Variants in PFKFB2 observed in about 807,000 individuals in gnomAD.
PFKFB2 encodes the protein 6-phosphofructo-2-kinase/fructose-2,6-bisphosphatase 2.
A neutral mutation model predicts 68.0 loss-of-function variants in PFKFB2; 53 were observed. The ratio of observed to expected loss-of-function variants is 0.78; its 90% CI spans 0.63 to 0.98. The LOEUF is 0.98. Ranked by LOEUF, PFKFB2 falls within the 50% of genes least tolerant of loss-of-function variation. The pLI is 0.00. For missense variants in PFKFB2, 451 were observed against 642.0 expected, an observed-to-expected ratio of 0.70 and a Z score of 3.22; for synonymous variants, 222 against 227.6, an observed-to-expected ratio of 0.98 and a Z score of 0.22.
downstream of PFKFB2, chr1:207,080,871 T>C (rs1007098155): frequency 6.6e-6 from 1 of 152,292 alleles, no homozygotes. Flanking sequence ...TTGAATACTT[T>C]GTTTCTCATT....
intron 3 of PFKFB2, among the ~76,000 whole-genome samples, 181 bp downstream of exon 3, chr1:207,062,259 A>T (rs1683141081): frequency 6.6e-6 from 1 of 152,160 alleles, no homozygotes; most frequent in South Asian, 2.1e-4. Context: ...GCGTGGGTGG[A>T]TTGGCCTAGT....
rs1558059833 is a variant in PFKFB2 at position 207,061,187 on chromosome 1, A to ATCTTTATATATATATTTATATATATCTT, written c.86-765_86-764insCTTTATATATATATTTATATATATCTTT. On this transcript the variant is annotated intron_variant, in intron 2 of 14. Coordinates refer to ENST00000367080, the MANE Select transcript of PFKFB2 (RefSeq NM_006212.2). ...TCTTTATATATATATATATATATATATATATATATATATATTTTAAGAGAC... is the reference window on the plus strand; with the variant it reads ...TCTTTATATATATATATATATATATATCTTTATATATATATTTATATATATCTTTATATATATATATATTTTAAGAGAC... Among the ~76,000 whole-genome samples the ATCTTTATATATATATTTATATATATCTT allele has an allele frequency of 1.2e-4, 8 of 67,608 alleles. 1 individual carries two copies. The highest frequency in any genetic ancestry group is 4.3e-4 in the African/African-American group (8 of 18,682). 44.4% of individuals were successfully genotyped at this position (67,608 alleles called of 152,430 possible).
At position 207,077,518 on chromosome 1, in the gene PFKFB2, G is replaced by A. The variant is rs958531746; in HGVS notation, c.*5147G>A. On this transcript the variant is annotated 3_prime_UTR_variant, in exon 15 of 15. Coordinates refer to ENST00000367080, the MANE Select transcript of PFKFB2 (RefSeq NM_006212.2). ...GGTTTTGCTATGGCAAAATCAAAGG[G>A]CTGATCATACATGGTGCCCTTTGGG... The A allele has an allele frequency of 8.1e-6, 8 of 985,602 alleles. No individual in the cohort carries two copies. In the African/African-American group the frequency reaches 1.4e-4, roughly 17 times the overall value. 61.1% of individuals were successfully genotyped at this position (985,602 alleles called of 1,614,324 possible). A position where few individuals can be genotyped will look rare whatever the true frequency, so the allele number is the denominator to read the frequency against.
intron 9 of PFKFB2, 43 bp downstream of exon 9, chr1:207,067,749 T>A: frequency 6.8e-7 from 1 of 1,469,492 alleles, no homozygotes; most frequent in Non-Finnish European, 9.5e-7. Context: ...GGCTTAGAGT[T>A]AGAAGGGCAT....
chr1:207,062,856 TG>T, intron 4 of PFKFB2, 140 bp downstream of exon 4: 1 of 832,692 alleles, frequency 1.2e-6, no homozygotes. Context: ...CAAGTGACCT[TG>T]GGCTTGGGTG....
In PFKFB2 at chr1:207,041,550, C is replaced by T. The variant is rs139486178; in HGVS notation, c.-61-619C>T. On this transcript the variant is annotated intron_variant, in intron 1 of 5. Coordinates refer to the PFKFB2 transcript ENST00000545806. Reference sequence around the variant, plus strand: ...GTTTCCAGCTTCATCCATGTCCCTGCAAAGGACGTGAACTCATTCTTTTCT... The same window carrying T: ...GTTTCCAGCTTCATCCATGTCCCTGTAAAGGACGTGAACTCATTCTTTTCT... 8.4e-3 allele frequency among the ~76,000 whole-genome samples: 1,285 copies of T among 152,260 alleles called. 14 individuals are homozygous for T. The highest frequency in any genetic ancestry group is 0.029 in the African/African-American group (1,217 of 41,504).
chr1:207,048,908 G>C (rs1483815398), upstream of PFKFB2: 5 of 981,764 alleles, frequency 5.1e-6, no homozygotes, highest in Non-Finnish European at 6.1e-6. Flanking sequence ...AAGTTAAAAG[G>C]ATGGTTCAAG....
rs1205535933 is a variant in PFKFB2, at chr1:207,067,589, C to T, written c.723C>T (p.Tyr241=). 1.2e-6 allele frequency: 2 copies of T among 1,613,666 alleles called. No homozygotes were observed. The highest frequency in any genetic ancestry group is 3.3e-5 in the Admixed American group (2 of 59,998). ...ACATCCAGAGCAAGATAGTCTACTACCTCATGAATATCCACGTCCAGCCTC... is the reference window on the plus strand; with the variant it reads ...ACATCCAGAGCAAGATAGTCTACTATCTCATGAATATCCACGTCCAGCCTC... ...QDYIQSKIVY[Y]LMNIHVQPRT... is the part of the protein sequence containing the mutation. The change falls in exon 9 of 15, where the codon TAC becomes TAT. Residue 241 remains tyrosine, a synonymous_variant. Transcript: ENST00000367080.
chr1:207,057,343 T>G (rs989260777), intron 2 of PFKFB2, among the ~76,000 whole-genome samples: 1 of 132,436 alleles, frequency 7.6e-6, no homozygotes, highest in African/African-American at 2.9e-5. Context: ...CCGGGCATGG[T>G]GGCGGGCGCC....
At chr1:207,072,018 G>A (rs1683478852) in intron 14 of PFKFB2, among the ~76,000 whole-genome samples, 186 bp from the exon 15 acceptor site, 1 of 152,184 alleles carries the variant, frequency 6.6e-6, no homozygotes, top group Non-Finnish European at 1.5e-5. Flanking sequence ...TTATGCTCAA[G>A]GAGCTTCTCC....
intron 10 of PFKFB2, among the ~76,000 whole-genome samples, chr1:207,069,025 A>G (rs1054182737): frequency 7.2e-5 from 11 of 152,066 alleles, no homozygotes; most frequent in East Asian, 3.9e-4. Flanking sequence ...GATTACAGGC[A>G]TGAGCCACCG....
chr1:207,076,408 A>G lies in PFKFB2; in HGVS notation c.*4037A>G, dbSNP rs1437424345. Reference sequence around the variant, plus strand: ...ACATTCCATTGTCTTTGCCAAGCCCAGAAGCCATGTTGTGTTCATTGTTAA... The same window carrying G: ...ACATTCCATTGTCTTTGCCAAGCCCGGAAGCCATGTTGTGTTCATTGTTAA... On this transcript the variant is annotated 3_prime_UTR_variant, in exon 15 of 15. Transcript: ENST00000367080. The G allele has an allele frequency of 2.0e-6, 2 of 985,180 alleles. No homozygotes were observed. Among genetic ancestry groups the G allele is most frequent in the Non-Finnish European group, 2.4e-6 (2 of 829,834 alleles). 61.0% of individuals were successfully genotyped at this position (985,180 alleles called of 1,614,324 possible).
chr1:207,050,931 C>T (rs1558054614), upstream of PFKFB2: 3 of 1,588,048 alleles, frequency 1.9e-6, no homozygotes, highest in South Asian at 2.2e-5. Flanking sequence ...CAGGCACCCG[C>T]GGGGCCAGCT....
intron 1 of PFKFB2, among the ~76,000 whole-genome samples, chr1:207,053,904 ATTTTT>A (rs574695365): frequency 7.2e-5 from 7 of 97,894 alleles, no homozygotes; most frequent in African/African-American, 1.6e-4. Flanking sequence ...TTCATTTTTC[ATTTTT>A]TTTTTTTTTT....
At chr1:207,051,178 G>A (rs1682743776), upstream of PFKFB2, 8 of 1,397,442 alleles carry the variant, frequency 5.7e-6, no homozygotes, top group Non-Finnish European at 7.4e-6. Context: ...ATTCCTAAAG[G>A]ACAACGGGTC....
chr1:207,042,380 C>T (rs1328198892), intron 2 of PFKFB2, among the ~76,000 whole-genome samples: 1 of 151,548 alleles, frequency 6.6e-6, no homozygotes, highest in African/African-American at 2.4e-5. Context: ...AACCCCATTC[C>T]TACTAAAAAT....
rs748726221 is a variant in PFKFB2 at position 207,057,302 on chromosome 1, CAAAAAAAA to C, written c.85+2519_85+2526del. Among the ~76,000 whole-genome samples, 7 of 40,388 alleles carry C rather than the reference CAAAAAAAA, an allele frequency of 1.7e-4. No individual in the cohort carries two copies. In the East Asian group the frequency reaches 2.4e-3, roughly 14 times the overall value. The allele number at this position is 40,388 out of a possible 152,430, so 26.5% of individuals were successfully genotyped here. A position where few individuals can be genotyped will look rare whatever the true frequency, so the allele number is the denominator to read the frequency against. ...CTCTACTAAAAATACAAAAAAACTA[CAAAAAAAA>C]AAAAAAAAAAAAAAAAAACTAGCCG... On this transcript the variant is annotated intron_variant, in intron 2 of 14. Transcript: ENST00000367080.
At chr1:207,071,662 T>C (rs1683468259) in intron 14 of PFKFB2, 89 bp downstream of exon 14, 4 of 918,956 alleles carry the variant, frequency 4.4e-6, no homozygotes, top group African/African-American at 1.7e-5. Flanking sequence ...GTTTCTTTTA[T>C]GTACAAAAGG....
intron 2 of PFKFB2, among the ~76,000 whole-genome samples, chr1:207,060,297 C>T (rs1446160179): frequency 1.3e-5 from 2 of 152,210 alleles, no homozygotes; most frequent in Non-Finnish European, 2.9e-5. Context: ...GTTTGCCCTG[C>T]CTGTCCAGTG....
Sources: allele counts gnomAD v4.1 joint callset (sites outside exome capture counted in the v4.1 genomes callset), GRCh38; gene constraint gnomAD v4.1.1; transcripts MANE v1.5; gene names NCBI Gene and HGNC (gene_info 2026-07-23, HGNC 2026-07-21).